The following LRRTM4 variants were observed in gnomAD, a reference collection of about 807,000 sequenced individuals.
The protein encoded by LRRTM4 is leucine-rich repeat transmembrane neuronal protein 4.
Under a neutral mutation model 47.6 loss-of-function variants are expected in LRRTM4, and 25 were observed. That is an observed-to-expected ratio of 0.53 (90% CI 0.38 to 0.73). The LOEUF (loss-of-function observed/expected upper bound fraction) is 0.73, where lower values mean the gene tolerates loss of function less well. Ranked by LOEUF, LRRTM4 falls within the 30% of genes least tolerant of loss-of-function variation. LRRTM4 has a pLI of 0.00. For missense variants in LRRTM4, 638 were observed against 713.4 expected (o/e 0.89, Z 1.20); for synonymous variants, 311 against 269.5 (o/e 1.15, Z -1.51).
intron 3 of LRRTM4, among the ~76,000 whole-genome samples, chr2:76,877,494 A>G (rs1414502006): frequency 6.6e-6 from 1 of 152,150 alleles, no homozygotes; most frequent in Non-Finnish European, 1.5e-5. Flanking sequence ...AGTATAAAAT[A>G]ATGCCTATGA....
At chr2:77,197,731 T>C in intron 3 of LRRTM4, among the ~76,000 whole-genome samples, 1 of 152,174 alleles carries the variant, frequency 6.6e-6, no homozygotes, top group East Asian at 1.9e-4. Context: ...ATCTATATAG[T>C]GAGGATATCT....
intron 3 of LRRTM4, among the ~76,000 whole-genome samples, chr2:76,794,309 A>T (rs1167669118): frequency 6.6e-6 from 1 of 152,234 alleles, no homozygotes; most frequent in Non-Finnish European, 1.5e-5. Context: ...TATCTGCATT[A>T]GTATGAAAGG....
At chr2:77,230,637 T>G (rs1674936154) in intron 3 of LRRTM4, among the ~76,000 whole-genome samples, 1 of 152,166 alleles carries the variant, frequency 6.6e-6, no homozygotes. Flanking sequence ...CTTAGTTTCT[T>G]CATCTATGTA....
chr2:76,815,087 G>C (rs776767528), intron 3 of LRRTM4, among the ~76,000 whole-genome samples: 1 of 151,666 alleles, frequency 6.6e-6, no homozygotes, highest in Non-Finnish European at 1.5e-5. Context: ...TCTGCCTTTC[G>C]AAACACAGGA....
intron 3 of LRRTM4, among the ~76,000 whole-genome samples, chr2:77,485,334 G>C (rs1255669028): frequency 3.9e-5 from 6 of 152,124 alleles, no homozygotes; most frequent in Non-Finnish European, 7.4e-5. Flanking sequence ...GAAAACTGAA[G>C]ATAAAATTTG....
intron 3 of LRRTM4, among the ~76,000 whole-genome samples, chr2:77,042,484 T>G (rs923810528): frequency 4.6e-5 from 7 of 151,676 alleles, no homozygotes; most frequent in Non-Finnish European, 8.9e-5. Flanking sequence ...AAACATAGTA[T>G]CTACTTAATA....
chr2:77,402,901 C>T (rs416225), intron 3 of LRRTM4, among the ~76,000 whole-genome samples: 49,162 of 151,578 alleles, frequency 0.32, 8,900 homozygotes, highest in East Asian at 0.52. Flanking sequence ...AAATCTGCCA[C>T]TGTATGGCTC....
At chr2:76,813,967 T>G (rs1397479147) in intron 3 of LRRTM4, among the ~76,000 whole-genome samples, 1 of 152,176 alleles carries the variant, frequency 6.6e-6, no homozygotes, top group Non-Finnish European at 1.5e-5. Flanking sequence ...TTCCTGTTCC[T>G]GGATCCCACA....
chr2:77,203,742 T>C (rs894261063), intron 3 of LRRTM4, among the ~76,000 whole-genome samples: 29 of 152,188 alleles, frequency 1.9e-4, no homozygotes, highest in African/African-American at 6.8e-4. Context: ...TCAGAGCAGA[T>C]GAATATTTTA....
chr2:77,416,495 C>T (rs1276228979), intron 3 of LRRTM4, among the ~76,000 whole-genome samples: 1 of 152,008 alleles, frequency 6.6e-6, no homozygotes, highest in East Asian at 1.9e-4. Context: ...TGAACATATG[C>T]TACTATTAGA....
chr2:76,930,335 C>T (rs181827895), intron 3 of LRRTM4, among the ~76,000 whole-genome samples: 14 of 152,144 alleles, frequency 9.2e-5, no homozygotes, highest in Admixed American at 7.9e-4. Context: ...TGCACGCATG[C>T]GTGCACACAC....
chr2:76,823,663 G>A (rs939872122), intron 3 of LRRTM4, among the ~76,000 whole-genome samples: 7 of 151,378 alleles, frequency 4.6e-5, no homozygotes, highest in East Asian at 3.9e-4. Flanking sequence ...TCCGTTCATT[G>A]AGAATGAGAG....
At chr2:77,480,542 C>A (rs1321755943) in intron 3 of LRRTM4, among the ~76,000 whole-genome samples, 1 of 152,070 alleles carries the variant, frequency 6.6e-6, no homozygotes, top group Non-Finnish European at 1.5e-5. Context: ...TGAAGGCAAG[C>A]AAGCTTAAGA....
chr2:77,153,737 A>T (rs1167988980), intron 3 of LRRTM4, among the ~76,000 whole-genome samples: 1 of 152,274 alleles, frequency 6.6e-6, no homozygotes, highest in East Asian at 1.9e-4. Context: ...CTAGGGGAAA[A>T]CATAGCAAAT....
chr2:76,772,413 C>G (rs1027437504), intron 3 of LRRTM4, among the ~76,000 whole-genome samples: 1 of 151,980 alleles, frequency 6.6e-6, no homozygotes, highest in Admixed American at 6.6e-5. Flanking sequence ...TAGTGATAGG[C>G]AAAGAGAATA....
intron 3 of LRRTM4, among the ~76,000 whole-genome samples, chr2:77,447,629 A>G (rs1676104681): frequency 6.6e-6 from 1 of 152,152 alleles, no homozygotes; most frequent in Non-Finnish European, 1.5e-5. Context: ...TAGTATTTCT[A>G]TATTTTTAAC....
At chr2:77,387,776 A>G (rs534327405) in intron 3 of LRRTM4, among the ~76,000 whole-genome samples, 1 of 152,262 alleles carries the variant, frequency 6.6e-6, no homozygotes, top group South Asian at 2.1e-4. Context: ...AAAATTACTT[A>G]AAAAGCAGGA....
chr2:76,872,807 C>A (rs1672663476), intron 3 of LRRTM4, among the ~76,000 whole-genome samples: 1 of 152,018 alleles, frequency 6.6e-6, no homozygotes. Flanking sequence ...GCTGTCCTTG[C>A]AGTAATAATG....
At chr2:77,123,516 G>A (rs994109655) in intron 3 of LRRTM4, among the ~76,000 whole-genome samples, 3 of 151,956 alleles carry the variant, frequency 2.0e-5, no homozygotes, top group African/African-American at 7.2e-5. Context: ...GTGATGTTAA[G>A]AACCTAAAAT....
Sources: gnomAD v4.1 joint callset for allele counts (sites outside exome capture counted in the v4.1 genomes callset) on GRCh38, gnomAD v4.1.1 for gene constraint, MANE v1.5 for transcripts, NCBI Gene and HGNC (gene_info 2026-07-23, HGNC 2026-07-21) for gene names.